The following CDC14B variants were observed in gnomAD, a reference collection of about 807,000 sequenced individuals.
CDC14B encodes the protein cell division cycle 14B.
Under a neutral mutation model 64.2 loss-of-function variants are expected in CDC14B, and 22 were observed. The ratio of observed to expected loss-of-function variants is 0.34; its 90% CI spans 0.24 to 0.49. The LOEUF is 0.49. Ranked by LOEUF, CDC14B falls within the 20% of genes least tolerant of loss-of-function variation. The probability of loss-of-function intolerance (pLI) is 0.99; values close to 1 mark genes in which losing one functional copy is unlikely to be tolerated. For synonymous variants in CDC14B, 191 were observed against 215.8 expected, an observed-to-expected ratio of 0.89 and a Z score of 1.01; for missense variants, 498 against 629.9, an observed-to-expected ratio of 0.79 and a Z score of 2.24.
chr9:96,515,628 G>A lies in CDC14B; in HGVS notation c.1344-5839C>T. 1 of 1,548,882 alleles carries A rather than the reference G, an allele frequency of 6.5e-7. No homozygotes were observed. Among genetic ancestry groups the A allele is most frequent in the Non-Finnish European group, 8.7e-7 (1 of 1,147,008 alleles). ...GGCACCAGAAGTAAGCAACGGCAGA[G>A]AAACAGAACGGGACACTTACAGCAG... is the stretch of plus-strand genomic sequence containing the variant. On this transcript the variant is annotated intron_variant, in intron 12 of 13. Coordinates refer to ENST00000375241, the MANE Select transcript of CDC14B (RefSeq NM_033331.4). This position sits in a 1 kb window ranked among gnomAD's most constrained non-coding sequence, Gnocchi z 4.3.
At chr9:96,617,939 C>G (rs1455135704) in intron 1 of CDC14B, among the ~76,000 whole-genome samples, 1 of 152,192 alleles carries the variant, frequency 6.6e-6, no homozygotes, top group Admixed American at 6.5e-5. Flanking sequence ...AAGGGCACAA[C>G]GTTAGCGGGA....
At chr9:96,573,685 A>G (rs906243616) in intron 1 of CDC14B, among the ~76,000 whole-genome samples, 11 of 152,266 alleles carry the variant, frequency 7.2e-5, no homozygotes, top group African/African-American at 2.7e-4. Context: ...CATGTAATAA[A>G]CTACATGAAA....
At chr9:96,520,154 G>C (rs1036398200) in intron 12 of CDC14B, among the ~76,000 whole-genome samples, 14 of 152,186 alleles carry the variant, frequency 9.2e-5, no homozygotes, top group African/African-American at 3.1e-4. Context: ...GATTTGCTGA[G>C]ACTCATCAAA....
intron 7 of CDC14B, among the ~76,000 whole-genome samples, chr9:96,535,238 C>T (rs1040023783): frequency 9.2e-5 from 14 of 151,948 alleles, no homozygotes; most frequent in African/African-American, 2.4e-4. Context: ...ACCCAGGAGG[C>T]GGAAGTTGTA....
intron 9 of CDC14B, among the ~76,000 whole-genome samples, chr9:96,532,585 G>A (rs562844719): frequency 2.0e-5 from 3 of 152,164 alleles, no homozygotes; most frequent in South Asian, 2.1e-4. Flanking sequence ...GAACTCCCAC[G>A]ATCTGTATCT....
At position 96,515,684 on chromosome 9, in the gene CDC14B, T is replaced by C. The variant is rs897068203; in HGVS notation, c.1344-5895A>G. The stretch of plus-strand genomic sequence containing the variant: ...TGTCAGGGGGTCCTGATGGCTACTG[T>C]GTTCTGAAACCATCGAGACAGAATA... On this transcript the variant is annotated intron_variant, in intron 12 of 13. Coordinates refer to ENST00000375241, the MANE Select transcript of CDC14B (RefSeq NM_033331.4). This position sits in a 1 kb window ranked among gnomAD's most constrained non-coding sequence, Gnocchi z 4.3. The C allele has an allele frequency of 6.3e-7, 1 of 1,596,744 alleles. No individual in the cohort carries two copies. Among genetic ancestry groups the C allele is most frequent in the Non-Finnish European group, 8.5e-7 (1 of 1,172,104 alleles).
downstream of CDC14B, among the ~76,000 whole-genome samples, chr9:96,498,855 A>T (rs1431780246): frequency 6.6e-6 from 1 of 152,234 alleles, no homozygotes; most frequent in African/African-American, 2.4e-5. Context: ...CACAAGGTGG[A>T]TGGGCCCTGG....
intron 1 of CDC14B, among the ~76,000 whole-genome samples, chr9:96,568,842 G>A (rs1489428296): frequency 2.0e-5 from 3 of 152,054 alleles, no homozygotes; most frequent in East Asian, 1.9e-4. Context: ...GTTTGAACCC[G>A]GGAGGTGGAG....
rs771999162 is a variant in CDC14B at position 96,619,241 on chromosome 9, G to C, written c.138C>G (p.Asp46Glu). The C allele has an allele frequency of 4.4e-6, 6 of 1,353,222 alleles. No individual in the cohort carries two copies. The highest frequency in any genetic ancestry group is 5.7e-6 in the Non-Finnish European group (6 of 1,047,334). The allele number at this position is 1,353,222 out of a possible 1,614,324, so 83.8% of individuals were successfully genotyped here. Residue 46 changes from aspartate (D) to glutamate (E), a missense_variant, in exon 1 of 14, where the codon GAC (aspartate) becomes GAG (glutamate). By Grantham distance (45) the Asp-to-Glu change is conservative. Transcript: ENST00000375241. ...CACCGGTGATGTCCAGGTACACGTC[G>C]TCCTGGGGGTCCCGGCGGCGCGGGT... ...QQDPRRRDPQ[D>E]DVYLDITDRL...
intron 1 of CDC14B, among the ~76,000 whole-genome samples, chr9:96,588,310 C>T (rs188356985): frequency 6.6e-6 from 1 of 152,324 alleles, no homozygotes; most frequent in East Asian, 1.9e-4. Flanking sequence ...ATTCAGCTCT[C>T]TGCAGCAGCC....
Position 96,608,886 on chromosome 9 carries a change from AACACAG to A in CDC14B, c.160+10327_160+10332del, listed in dbSNP as rs1847133193. Among the ~76,000 whole-genome samples the A allele has an allele frequency of 9.0e-5, 7 of 78,188 alleles. No individual in the cohort carries two copies. The South Asian group carries it at 3.7e-3, about 41-fold the overall frequency. 51.3% of individuals were successfully genotyped at this position (78,188 alleles called of 152,430 possible). Reference sequence around the variant, plus strand: ...CTATTCCCTGTTGTTTAAAGGTTAAAACACAGACACACACACACACACACACACACA... The same window carrying A: ...CTATTCCCTGTTGTTTAAAGGTTAAAACACACACACACACACACACACACA... On this transcript the variant is annotated intron_variant, in intron 1 of 13. Coordinates refer to ENST00000375241, the MANE Select transcript of CDC14B (RefSeq NM_033331.4).
chr9:96,604,475 G>T (rs1407917493), intron 1 of CDC14B, among the ~76,000 whole-genome samples: 3 of 151,206 alleles, frequency 2.0e-5, no homozygotes, highest in Non-Finnish European at 4.4e-5. Flanking sequence ...CCGCCTCCCG[G>T]GATCAAGCGA....
At chr9:96,519,625 G>A (rs1015069044) in intron 12 of CDC14B, among the ~76,000 whole-genome samples, 7 of 151,272 alleles carry the variant, frequency 4.6e-5, no homozygotes. Context: ...CAGATACTCC[G>A]GAGGCTCAGG....
chr9:96,564,348 T>C (rs1279280178), intron 3 of CDC14B, among the ~76,000 whole-genome samples: 1 of 152,188 alleles, frequency 6.6e-6, no homozygotes, highest in East Asian at 1.9e-4. Context: ...CATGGGAGTT[T>C]CAAAATAGGA....
At chr9:96,494,767 C>A (rs1833176633) in intron 13 of CDC14B, among the ~76,000 whole-genome samples, 1 of 91,868 alleles carries the variant, frequency 1.1e-5, no homozygotes, top group Non-Finnish European at 2.1e-5. Context: ...CCCCTCCCGT[C>A]CCCTCCCCCC....
intron 1 of CDC14B, among the ~76,000 whole-genome samples, chr9:96,607,471 A>C (rs1488835365): frequency 8.1e-6 from 1 of 123,316 alleles, no homozygotes; most frequent in Non-Finnish European, 1.6e-5. Context: ...CCCAGGCTGG[A>C]GTGCAGTGGT....
chr9:96,551,111 C>CTTTTTTGTTTTTTTTTTTTTTTTTTTTTT (rs1841748330), intron 5 of CDC14B, among the ~76,000 whole-genome samples: 1 of 93,296 alleles, frequency 1.1e-5, no homozygotes, highest in Non-Finnish European at 2.0e-5. Context: ...TTGGGGTTTG[C>CTTTTTTGTTTTTTTTTTTTTTTTTTTTTT]TTTTTTTTTT....
At chr9:96,535,295 G>A (rs569633051) in intron 7 of CDC14B, among the ~76,000 whole-genome samples, 9 of 151,894 alleles carry the variant, frequency 5.9e-5, no homozygotes, top group African/African-American at 9.7e-5. Flanking sequence ...CAACAAGAGC[G>A]AAACTCTGTC....
At chr9:96,537,494 G>GT (rs760119219) in intron 7 of CDC14B, among the ~76,000 whole-genome samples, 8 of 152,194 alleles carry the variant, frequency 5.3e-5, no homozygotes, top group Non-Finnish European at 1.2e-4. Flanking sequence ...AGTCAGGCCA[G>GT]TGAGAGGCAT....
Sources: gnomAD v4.1 joint callset for allele counts (sites outside exome capture counted in the v4.1 genomes callset) on GRCh38, gnomAD v4.1.1 for gene constraint, Gnocchi (gnomAD v3.1) non-coding constraint, MANE v1.5 for transcripts, NCBI Gene and HGNC (gene_info 2026-07-23, HGNC 2026-07-21) for gene names.